Variants in ATN1 observed in about 807,000 individuals in gnomAD.
The protein encoded by ATN1 is atrophin 1.
ATN1 carries 19 observed loss-of-function variants against 85.8 expected under a neutral mutation model. The observed-to-expected ratio is 0.22, with a 90% CI of 0.15 to 0.32. ATN1 has a LOEUF of 0.32. Among genes scored for constraint, ATN1 ranks in the 10% least tolerant of loss-of-function variants. ATN1 has a pLI of 1.00. For missense variants in ATN1, 1,453 were observed against 1,564.5 expected, an observed-to-expected ratio of 0.93 and a Z score of 1.20; for synonymous variants, 674 against 657.0, an observed-to-expected ratio of 1.03 and a Z score of -0.39.
At chr12:6,928,507 T>G (rs1226113435) in intron 1 of ATN1, 123 bp downstream of exon 1, 1 of 151,488 alleles carries the variant, frequency 6.6e-6, no homozygotes, top group East Asian at 2.0e-4. Context: ...CTCCATTTGT[T>G]ATTTTCCCAA....
At chr12:6,925,231 C>A (rs1591656111), upstream of ATN1, among the ~76,000 whole-genome samples, 1 of 152,056 alleles carries the variant, frequency 6.6e-6, no homozygotes, top group East Asian at 1.9e-4. Context: ...ACAATGGTTT[C>A]TTTTGTGACT....
At chr12:6,926,105 A>C (rs1229935241), upstream of ATN1, among the ~76,000 whole-genome samples, 3 of 152,320 alleles carry the variant, frequency 2.0e-5, no homozygotes, top group Admixed American at 1.3e-4. Context: ...GGCCGGGAGC[A>C]GACTGACTGC....
intron 1 of ATN1, among the ~76,000 whole-genome samples, chr12:6,933,071 T>G (rs1555143200): frequency 6.6e-6 from 1 of 152,198 alleles, no homozygotes; most frequent in East Asian, 1.9e-4. Flanking sequence ...AATCACAATC[T>G]TTGAGCCTCA....
chr12:6,940,755 T>C lies in ATN1; in HGVS notation c.3215-125T>C, dbSNP rs1945622915. On this transcript the variant is annotated intron_variant, in intron 7 of 9. Transcript: ENST00000396684. ...GGCCTCTAGTTCTTCCACTCTGCCTTTGTTCCACTTTGGACCTCCTTGTGT... is the reference window on the plus strand; with the variant it reads ...GGCCTCTAGTTCTTCCACTCTGCCTCTGTTCCACTTTGGACCTCCTTGTGT... The C allele has an allele frequency of 3.3e-6, 4 of 1,214,378 alleles. No individual in the cohort carries two copies. The Admixed American group carries it at 5.3e-5, about 16-fold the overall frequency. The allele number at this position is 1,214,378 out of a possible 1,614,324, so 75.2% of individuals were successfully genotyped here. A position where few individuals can be genotyped will look rare whatever the true frequency, so the allele number is the denominator to read the frequency against.
At chr12:6,938,454 G>T in intron 6 of ATN1, 27 bp from the exon 7 acceptor site, 1 of 1,580,546 alleles carries the variant, frequency 6.3e-7, no homozygotes, top group South Asian at 1.1e-5. Context: ...CTGCCGCTTT[G>T]ACTCCACTTT....
rs1006127416 is a variant in ATN1, at chr12:6,934,600, C to T, written c.279+22C>T. 1 of 1,498,496 alleles carries T rather than the reference C, an allele frequency of 6.7e-7. No individual in the cohort carries two copies. Among genetic ancestry groups the T allele is most frequent in the Admixed American group, 2.0e-5 (1 of 50,968 alleles). The allele number at this position is 1,498,496 out of a possible 1,614,324, so 92.8% of individuals were successfully genotyped here. A position where few individuals can be genotyped will look rare whatever the true frequency, so the allele number is the denominator to read the frequency against. On this transcript the variant is annotated intron_variant, in intron 4 of 9. Coordinates refer to ENST00000396684, the MANE Select transcript of ATN1 (RefSeq NM_001940.4). The surrounding 1 kb of genome is among the most constrained non-coding windows in gnomAD (Gnocchi z 4.5). ...TGAGGTGGGAAACCCTTGTCGCCAT[C>T]CTGACCCATCTTGTGACCATTCTTT...
chr12:6,936,355 C>T lies in ATN1; in HGVS notation c.1088C>T (p.Ser363Phe), dbSNP rs201404455. ...TCACCCCACTCTCTGCCTCCTGCTT[C>T]CTCTTCTGCTCCAGCGCCCCCCATG... ...APSPHSLPPA[S>F]SSAPAPPMRF... is the part of the protein sequence containing the mutation. Residue 363 changes from serine to phenylalanine, a missense_variant, in exon 5 of 10, where the codon TCC becomes TTC. Around this residue, in one of 6 missense-constraint regions of ATN1, gnomAD observed 990 missense variants for 914.8 expected, o/e 1.08. Coordinates refer to ENST00000396684, the MANE Select transcript of ATN1 (RefSeq NM_001940.4). 2 of 1,613,942 alleles carry T rather than the reference C, an allele frequency of 1.2e-6. No individual in the cohort carries two copies. The highest frequency in any genetic ancestry group is 4.5e-5 in the East Asian group (2 of 44,874).
At chr12:6,925,147 A>C (rs368198330), upstream of ATN1, among the ~76,000 whole-genome samples, 3 of 108,430 alleles carry the variant, frequency 2.8e-5, no homozygotes, top group African/African-American at 1.4e-4. Context: ...TGTGTGAGAG[A>C]GAGAGAGAGA....
Position 6,931,210 on chromosome 12 carries a change from G to A in ATN1, c.-162-2630G>A, listed in dbSNP as rs142770413. 3.0e-3 allele frequency among the ~76,000 whole-genome samples: 456 copies of A among 152,202 alleles called. 4 individuals are homozygous for A. Among genetic ancestry groups the A allele is most frequent in the African/African-American group, 0.01 (430 of 41,510 alleles). Reference sequence around the variant, plus strand: ...AACAGGTTCTGTGATGGGGAAGGGAGATGGACACCCTTCTCTAGGAGGGCT... The same window carrying A: ...AACAGGTTCTGTGATGGGGAAGGGAAATGGACACCCTTCTCTAGGAGGGCT... On this transcript the variant is annotated intron_variant, in intron 1 of 9. Coordinates refer to ENST00000396684, the MANE Select transcript of ATN1 (RefSeq NM_001940.4).
At position 6,937,340 on chromosome 12, in the gene ATN1, C is replaced by T. The variant is rs782183699; in HGVS notation, c.2073C>T (p.Thr691=). 3.9e-6 allele frequency: 6 copies of T among 1,556,392 alleles called. No individual in the cohort carries two copies. The highest frequency in any genetic ancestry group is 1.9e-5 in the Admixed American group (1 of 51,690). Residue 691 remains threonine (T), a synonymous_variant, in exon 5 of 10, where the codon ACC becomes ACT. Coordinates refer to ENST00000396684, the MANE Select transcript of ATN1 (RefSeq NM_001940.4). This position sits in a 1 kb window ranked among gnomAD's most constrained non-coding sequence, Gnocchi z 6.0. ...GPGTFKPGSP[T]VGPGPLPPAG... is the part of the protein sequence containing the mutation. ...GGACCTTCAAGCCGGGCTCGCCCAC[C>T]GTGGGACCTGGGCCCCTGCCACCTG...
chr12:6,937,430 G>A lies in ATN1; in HGVS notation c.2163G>A (p.Leu721=), dbSNP rs1555143981. The change falls in exon 5 of 10, where the codon CTG becomes CTA. Residue 721 remains leucine, a synonymous_variant. Coordinates refer to ENST00000396684, the MANE Select transcript of ATN1 (RefSeq NM_001940.4). This position sits in a 1 kb window ranked among gnomAD's most constrained non-coding sequence, Gnocchi z 6.0. ...CGGCCCCTGCCTCAGGGCCGCCCCT[G>A]AGCGCCACGCAGATCAAACAGGAGC... ...PPAAPASGPP[L]SATQIKQEPA... 1.3e-6 allele frequency: 2 copies of A among 1,547,490 alleles called. No individual in the cohort carries two copies. Among genetic ancestry groups the A allele is most frequent in the Non-Finnish European group, 1.7e-6 (2 of 1,147,380 alleles).
In ATN1 at chr12:6,936,699, A is replaced by G; in HGVS notation, c.1432A>G (p.Thr478Ala). 2 of 1,610,508 alleles carry G rather than the reference A, an allele frequency of 1.2e-6. No individual in the cohort carries two copies. The highest frequency in any genetic ancestry group is 1.1e-5 in the South Asian group (1 of 90,868). Residue 478 changes from threonine (T) to alanine (A), a missense_variant, in exon 5 of 10, where the codon ACA becomes GCA. Physicochemically the swap from Thr to Ala is moderately conservative, Grantham distance 58. Coordinates refer to ENST00000396684, the MANE Select transcript of ATN1 (RefSeq NM_001940.4). ...GTCCACCGCCCACCCACCAGTCTCAACACATCACCATCACCACCAGCAACA... is the reference window on the plus strand; with the variant it reads ...GTCCACCGCCCACCCACCAGTCTCAGCACATCACCATCACCACCAGCAACA... ...AQSTAHPPVS[T>A]HHHHHQQQQQ...
chr12:6,938,465 TC>T lies in ATN1; in HGVS notation c.2518-13del. The T allele has an allele frequency of 6.3e-7, 1 of 1,591,590 alleles. No homozygotes were observed. The highest frequency in any genetic ancestry group is 8.6e-7 in the Non-Finnish European group (1 of 1,164,156). ...ATAACTGCCGCTTTGACTCCACTTTTCCCTGTATCCCACAGAAGTTGGCTCA... is the reference window on the plus strand; with the variant it reads ...ATAACTGCCGCTTTGACTCCACTTTTCCTGTATCCCACAGAAGTTGGCTCA... On this transcript the variant is annotated splice_polypyrimidine_tract_variant and intron_variant, in intron 6 of 9. Coordinates refer to ENST00000396684, the MANE Select transcript of ATN1 (RefSeq NM_001940.4).
upstream of ATN1, among the ~76,000 whole-genome samples, chr12:6,926,867 C>A (rs1274285940): frequency 7.0e-6 from 1 of 142,922 alleles, no homozygotes; most frequent in Non-Finnish European, 1.6e-5. Context: ...ATCTTCTTAT[C>A]CCCCTCTTCC....
At position 6,941,840 on chromosome 12, in the gene ATN1, C is replaced by T; in HGVS notation, c.*60C>T. On this transcript the variant is annotated 3_prime_UTR_variant, in exon 10 of 10. Transcript: ENST00000396684. The surrounding 1 kb of genome is among the most constrained non-coding windows in gnomAD (Gnocchi z 5.9). ...TTGGACCTTGGAGCACCCCCACCCT[C>T]CCCCCACCGTGCCCTTGGCCTGCCA... 6.4e-7 allele frequency: 1 copy of T among 1,564,176 alleles called. No homozygotes were observed. Among genetic ancestry groups the T allele is most frequent in the Non-Finnish European group, 8.8e-7 (1 of 1,135,476 alleles).
At position 6,936,279 on chromosome 12, in the gene ATN1, G is replaced by C; in HGVS notation, c.1012G>C (p.Gly338Arg). The C allele has an allele frequency of 6.2e-7, 1 of 1,613,546 alleles. No homozygotes were observed. The highest frequency in any genetic ancestry group is 8.5e-7 in the Non-Finnish European group (1 of 1,179,726). The change falls in exon 5 of 10, where the codon GGT (glycine) becomes CGT (arginine). Residue 338 changes from glycine (G) to arginine (R), a missense_variant. This residue lies in a region of ATN1 where 990 missense variants were observed against 914.8 expected (regional missense o/e 1.08). Transcript: ENST00000396684. ...HLPSPHAMGQ[G>R]MGGLPPGPEK... ...GCCCTCTCCCCACGCCATGGGACAG[G>C]GTATGGGTGGACTTCCTCCTGGCCC...
In ATN1 at chr12:6,941,834, C is replaced by CA. The variant is rs1945640487; in HGVS notation, c.*55dup. The CA allele has an allele frequency of 3.8e-6, 6 of 1,586,508 alleles. No homozygotes were observed. Among genetic ancestry groups the CA allele is most frequent in the Non-Finnish European group, 5.2e-6 (6 of 1,155,394 alleles). On this transcript the variant is annotated 3_prime_UTR_variant, in exon 10 of 10. Coordinates refer to ENST00000396684, the MANE Select transcript of ATN1 (RefSeq NM_001940.4). The surrounding 1 kb of genome is among the most constrained non-coding windows in gnomAD (Gnocchi z 5.9). ...CCTACATTGGACCTTGGAGCACCCC[C>CA]ACCCTCCCCCCACCGTGCCCTTGGC... is the stretch of plus-strand genomic sequence containing the variant.
At chr12:6,933,481 T>C (rs1945491928) in intron 1 of ATN1, among the ~76,000 whole-genome samples, 1 of 152,188 alleles carries the variant, frequency 6.6e-6, no homozygotes, top group African/African-American at 2.4e-5. Context: ...TGAGCCACCA[T>C]GCCCCGCTCC....
At position 6,938,634 on chromosome 12, in the gene ATN1, C is replaced by A; in HGVS notation, c.2671C>A (p.Arg891=). The change falls in exon 7 of 10, where the codon CGG becomes AGG. Residue 891 remains arginine (R), a synonymous_variant. Coordinates refer to ENST00000396684, the MANE Select transcript of ATN1 (RefSeq NM_001940.4). ...PALRTLSEYA[R]PHVMSPGNRN... ...CTTGCGCACTCTCAGTGAATATGCC[C>A]GGCCTCATGTCATGTCTCCTGGCAA... 6.2e-7 allele frequency: 1 copy of A among 1,614,226 alleles called. No homozygotes were observed.
Sources: gnomAD v4.1 joint callset for allele counts (sites outside exome capture counted in the v4.1 genomes callset) on GRCh38, gnomAD v4.1.1 for gene constraint, gnomAD v4.1.1 regional missense constraint, Gnocchi (gnomAD v3.1) non-coding constraint, MANE v1.5 for transcripts, NCBI Gene and HGNC (gene_info 2026-07-23, HGNC 2026-07-21) for gene names.